DLG2: variants seen among roughly 807,000 people sequenced by gnomAD.
The protein encoded by DLG2 is disks large homolog 2.
In DLG2, 45 loss-of-function variants were observed where a neutral mutation model predicts 132.5. The observed-to-expected ratio is 0.34, with a 90% CI of 0.27 to 0.44. The LOEUF (loss-of-function observed/expected upper bound fraction) is 0.44. DLG2 is among the 20% of genes least tolerant of loss of function. DLG2 has a pLI of 1.00. For synonymous variants in DLG2, 424 were observed against 419.6 expected (o/e 1.01, Z -0.13); for missense variants, 1,045 against 1,196.9 (o/e 0.87, Z 1.87).
At chr11:84,708,763 T>C (rs556337251) in intron 6 of DLG2, among the ~76,000 whole-genome samples, 1 of 151,848 alleles carries the variant, frequency 6.6e-6, no homozygotes, top group East Asian at 1.9e-4. Flanking sequence ...GTTGGGGAAA[T>C]AGCTACAGCA....
At chr11:83,671,598 G>C (rs1454402484) in intron 18 of DLG2, among the ~76,000 whole-genome samples, 1 of 152,132 alleles carries the variant, frequency 6.6e-6, no homozygotes, top group East Asian at 1.9e-4. Context: ...CCAACTGGTG[G>C]GGAGGAAGGG....
At chr11:84,526,779 T>C (rs1382096331) in intron 7 of DLG2, among the ~76,000 whole-genome samples, 28 of 144,848 alleles carry the variant, frequency 1.9e-4, no homozygotes, top group African/African-American at 4.6e-4. Flanking sequence ...GGGGGTGTTT[T>C]TTTTTTTTTT....
chr11:84,539,503 G>C (rs1430952), intron 6 of DLG2, among the ~76,000 whole-genome samples: 8,611 of 152,256 alleles, frequency 0.057, 329 homozygotes, highest in South Asian at 0.11. Flanking sequence ...TTGGCAGAAG[G>C]CCTCTGTATT....
chr11:85,155,166 G>A (rs1187911326), intron 4 of DLG2, among the ~76,000 whole-genome samples: 1 of 152,184 alleles, frequency 6.6e-6, no homozygotes, highest in South Asian at 2.1e-4. Flanking sequence ...TTATAAAACA[G>A]ATGTTACCTA....
At chr11:85,025,677 C>G (rs2060453759) in intron 6 of DLG2, among the ~76,000 whole-genome samples, 1 of 152,050 alleles carries the variant, frequency 6.6e-6, no homozygotes, top group Non-Finnish European at 1.5e-5. Context: ...AGAAGAATAA[C>G]AGTCTGGTAA....
chr11:84,332,443 C>CAACCA (rs1261518791), intron 7 of DLG2, among the ~76,000 whole-genome samples: 4 of 151,516 alleles, frequency 2.6e-5, no homozygotes, highest in African/African-American at 9.7e-5. Flanking sequence ...ATCTCCTGAC[C>CAACCA]TCGTGATCCA....
intron 3 of DLG2, among the ~76,000 whole-genome samples, chr11:85,338,143 G>C (rs2082252456): frequency 6.6e-6 from 1 of 152,152 alleles, no homozygotes; most frequent in African/African-American, 2.4e-5. Context: ...GTTAATAGTA[G>C]AGAATGTTTT....
rs530920138 is a variant in DLG2, at chr11:83,488,078, T to A, written c.2194-3850A>T. Among the ~76,000 whole-genome samples the A allele has an allele frequency of 4.6e-5, 7 of 151,916 alleles. No homozygotes were observed. The South Asian group carries it at 1.4e-3, about 31-fold the overall frequency. ...AGTGAATTGTATACTATGTGAATTA[T>A]ATCTCAATAAAGCCATTTCTTTTTA... On this transcript the variant is annotated intron_variant, in intron 21 of 27. Coordinates refer to ENST00000376104, the MANE Select transcript of DLG2 (RefSeq NM_001142699.3).
chr11:84,325,395 T>C (rs1832439936), intron 7 of DLG2, among the ~76,000 whole-genome samples: 1 of 152,044 alleles, frequency 6.6e-6, no homozygotes, highest in South Asian at 2.1e-4. Context: ...TGGTATGTGA[T>C]GTTCCCCTTT....
chr11:85,462,464 T>G (rs368491856), intron 3 of DLG2, among the ~76,000 whole-genome samples: 10 of 152,178 alleles, frequency 6.6e-5, no homozygotes, highest in East Asian at 3.8e-4. Context: ...GGGAATACTA[T>G]GCAGCCATAA....
chr11:85,580,982 T>C (rs990893246), intron 3 of DLG2, among the ~76,000 whole-genome samples: 9 of 152,152 alleles, frequency 5.9e-5, no homozygotes, highest in Non-Finnish European at 8.8e-5. Context: ...CTGTATCATC[T>C]AGCTCCCTTA....
At chr11:83,951,967 AT>A (rs1228673077) in intron 14 of DLG2, among the ~76,000 whole-genome samples, 1 of 152,182 alleles carries the variant, frequency 6.6e-6, no homozygotes, top group Non-Finnish European at 1.5e-5. Context: ...TGCATATAGA[AT>A]ATGAAAGGCG....
chr11:83,877,752 A>G (rs1183714315), intron 15 of DLG2, among the ~76,000 whole-genome samples: 1 of 152,174 alleles, frequency 6.6e-6, no homozygotes, highest in African/African-American at 2.4e-5. Flanking sequence ...TAAGATAAAT[A>G]GAGTCAAGAC....
chr11:85,564,541 C>A (rs968316419), intron 3 of DLG2, among the ~76,000 whole-genome samples: 3 of 151,826 alleles, frequency 2.0e-5, no homozygotes, highest in African/African-American at 7.2e-5. Context: ...AAGTATTTTG[C>A]CACTTTTGTC....
chr11:84,454,582 T>TA lies in DLG2; in HGVS notation c.519+79987dup, dbSNP rs1323592729. On this transcript the variant is annotated intron_variant, in intron 7 of 27. Transcript: ENST00000376104. ...TATTTTCAATATCCCAAAACTGGAA[T>TA]AAAAAACCAATGTTCCTTAAGAGGG... 4.0e-5 allele frequency among the ~76,000 whole-genome samples: 6 copies of TA among 151,598 alleles called. No homozygotes were observed. In the East Asian group the frequency reaches 7.8e-4, roughly 20 times the overall value.
At chr11:83,762,763 A>G (rs1192463094) in intron 18 of DLG2, among the ~76,000 whole-genome samples, 2 of 151,996 alleles carry the variant, frequency 1.3e-5, no homozygotes, top group African/African-American at 2.4e-5. Context: ...TTGTATTTTT[A>G]GTAGAGACGG....
chr11:83,566,761 A>C (rs1426272023), intron 19 of DLG2, among the ~76,000 whole-genome samples: 2 of 148,294 alleles, frequency 1.3e-5, no homozygotes, highest in Non-Finnish European at 3.0e-5. Flanking sequence ...GTGTATCCTC[A>C]CAATGCTAGA....
chr11:83,761,611 C>T (rs539343543), intron 18 of DLG2, among the ~76,000 whole-genome samples: 1 of 152,092 alleles, frequency 6.6e-6, no homozygotes, highest in Non-Finnish European at 1.5e-5. Context: ...CCCATTACCC[C>T]CAACATCATA....
intron 7 of DLG2, among the ~76,000 whole-genome samples, chr11:84,269,824 G>A (rs2097696320): frequency 6.6e-6 from 1 of 152,192 alleles, no homozygotes; most frequent in Non-Finnish European, 1.5e-5. Flanking sequence ...ATCCAGATAT[G>A]ATTGTTAGCA....
Sources: allele counts gnomAD v4.1 joint callset (sites outside exome capture counted in the v4.1 genomes callset), GRCh38; gene constraint gnomAD v4.1.1; transcripts MANE v1.5; gene names NCBI Gene and HGNC (gene_info 2026-07-23, HGNC 2026-07-21).